ROBO1: variants seen among roughly 807,000 people sequenced by gnomAD.
ROBO1 encodes the protein roundabout guidance receptor 1.
Under a neutral mutation model 195.9 loss-of-function variants are expected in ROBO1, and 149 were observed. The observed-to-expected ratio is 0.76, with a 90% CI of 0.67 to 0.87. ROBO1 has a LOEUF of 0.87. Ranked by LOEUF, ROBO1 falls within the 40% of genes least tolerant of loss-of-function variation. The pLI is 0.00. For synonymous variants in ROBO1, 816 were observed against 733.2 expected (o/e 1.11, Z -1.82); for missense variants, 1,933 against 2,068.3 (o/e 0.93, Z 1.27).
intron 2 of ROBO1, among the ~76,000 whole-genome samples, chr3:79,293,634 T>A (rs111681878): frequency 1.8e-4 from 27 of 151,946 alleles, no homozygotes; most frequent in African/African-American, 6.0e-4. Context: ...GCAGAGGACA[T>A]GAACAAATGG....
rs556393263 is a variant in ROBO1, at chr3:78,743,128, A to G, written c.657+3615T>C. Among the ~76,000 whole-genome samples, 85 of 152,274 alleles carry G rather than the reference A, an allele frequency of 5.6e-4. 1 individual carries two copies. The highest frequency in any genetic ancestry group is 3.4e-3 in the Middle Eastern group (1 of 294). On this transcript the variant is annotated intron_variant, in intron 5 of 30. Transcript: ENST00000464233. ...AGATCTTTCAAAACGCAAGACTACA[A>G]TCACCATTATTTTTTATCTAGTGTA...
At chr3:79,659,030 C>T (rs1012717824) in intron 1 of ROBO1, among the ~76,000 whole-genome samples, 33 of 151,920 alleles carry the variant, frequency 2.2e-4, no homozygotes, top group Admixed American at 7.2e-4. Flanking sequence ...CCACTGCACC[C>T]GGCCCTCTAA....
At chr3:78,852,440 A>G (rs1172868313) in intron 4 of ROBO1, among the ~76,000 whole-genome samples, 1 of 152,202 alleles carries the variant, frequency 6.6e-6, no homozygotes, top group African/African-American at 2.4e-5. Flanking sequence ...ACTCTTTAAC[A>G]GGAGACTGGC....
chr3:78,687,606 G>T (rs2081079553), intron 9 of ROBO1, among the ~76,000 whole-genome samples: 1 of 152,130 alleles, frequency 6.6e-6, no homozygotes, highest in African/African-American at 2.4e-5. Context: ...ACACATATCA[G>T]AAACAAGGGA....
chr3:79,443,497 C>G (rs1232728567), intron 2 of ROBO1, among the ~76,000 whole-genome samples: 1 of 152,096 alleles, frequency 6.6e-6, no homozygotes, highest in Admixed American at 6.6e-5. Flanking sequence ...TAGTACCTCT[C>G]AGGGATGAGT....
At chr3:79,759,349 T>C (rs1704572679) in intron 1 of ROBO1, among the ~76,000 whole-genome samples, 1 of 152,238 alleles carries the variant, frequency 6.6e-6, no homozygotes, top group Admixed American at 6.5e-5. Flanking sequence ...GATCAGAAGC[T>C]GTTGGCTGTT....
chr3:78,998,760 T>C (rs576684080), intron 3 of ROBO1, among the ~76,000 whole-genome samples: 1 of 152,198 alleles, frequency 6.6e-6, no homozygotes, highest in African/African-American at 2.4e-5. Context: ...TTACTCATCA[T>C]CTCTCCCCTT....
At chr3:79,173,197 C>T (rs116441356) in intron 2 of ROBO1, among the ~76,000 whole-genome samples, 13,420 of 152,126 alleles carry the variant, frequency 0.088, 1,016 homozygotes, top group African/African-American at 0.2. Flanking sequence ...AGCCCTCACT[C>T]GCTCTCGGTG....
At chr3:79,707,026 A>G (rs1947793510) in intron 1 of ROBO1, among the ~76,000 whole-genome samples, 1 of 152,140 alleles carries the variant, frequency 6.6e-6, no homozygotes, top group Admixed American at 6.6e-5. Context: ...AGAATAATTA[A>G]GAAATTATTT....
At chr3:78,809,454 C>G (rs959252322) in intron 4 of ROBO1, among the ~76,000 whole-genome samples, 1 of 152,060 alleles carries the variant, frequency 6.6e-6, no homozygotes, top group South Asian at 2.1e-4. Flanking sequence ...GATCTAGAAC[C>G]AGAAATACCA....
At chr3:79,416,414 G>A (rs1284994284) in intron 2 of ROBO1, among the ~76,000 whole-genome samples, 1 of 150,712 alleles carries the variant, frequency 6.6e-6, no homozygotes, top group African/African-American at 2.4e-5. Flanking sequence ...AACCAGCCTG[G>A]GCAACATAGT....
At chr3:79,337,798 A>G (rs1001962160) in intron 2 of ROBO1, among the ~76,000 whole-genome samples, 2 of 152,238 alleles carry the variant, frequency 1.3e-5, no homozygotes, top group African/African-American at 2.4e-5. Flanking sequence ...TTCAGAAATC[A>G]TTATACAAAA....
chr3:79,061,045 A>C (rs1414385270), intron 3 of ROBO1, among the ~76,000 whole-genome samples: 1 of 152,130 alleles, frequency 6.6e-6, no homozygotes, highest in East Asian at 1.9e-4. Context: ...TGGTTAGGAA[A>C]AGAGGAAGTC....
At chr3:79,199,820 G>C (rs1399385895) in intron 2 of ROBO1, among the ~76,000 whole-genome samples, 1 of 151,690 alleles carries the variant, frequency 6.6e-6, no homozygotes, top group African/African-American at 2.4e-5. Context: ...TTAGCTACTT[G>C]TTTTACTTAT....
At chr3:78,748,210 C>T (rs1398027152) in intron 4 of ROBO1, among the ~76,000 whole-genome samples, 3 of 152,086 alleles carry the variant, frequency 2.0e-5, no homozygotes, top group Non-Finnish European at 4.4e-5. Context: ...CTTTGGGAGG[C>T]CAAGGAGGGC....
At chr3:79,313,194 A>AG (rs1336947261) in intron 2 of ROBO1, among the ~76,000 whole-genome samples, 1 of 151,908 alleles carries the variant, frequency 6.6e-6, no homozygotes, top group African/African-American at 2.4e-5. Flanking sequence ...CTCAAAAAAA[A>AG]AAAAAAAAAT....
At chr3:79,700,288 CGT>C (rs141865243) in intron 1 of ROBO1, among the ~76,000 whole-genome samples, 7 of 147,746 alleles carry the variant, frequency 4.7e-5, no homozygotes, top group African/African-American at 1.5e-4. Flanking sequence ...GTGATGAACA[CGT>C]GTGTGTGTGT....
chr3:79,707,642 G>A (rs182463062), intron 1 of ROBO1, among the ~76,000 whole-genome samples: 43 of 152,234 alleles, frequency 2.8e-4, no homozygotes, highest in Middle Eastern at 3.4e-3. Flanking sequence ...CCAGGTAGCT[G>A]GGACTACAGG....
intron 2 of ROBO1, among the ~76,000 whole-genome samples, chr3:79,298,263 G>A (rs1252155447): frequency 1.3e-5 from 2 of 152,036 alleles, no homozygotes; most frequent in African/African-American, 2.4e-5. Context: ...GGCAACATAC[G>A]AACAAAAAGT....
Sources: allele counts gnomAD v4.1 joint callset (sites outside exome capture counted in the v4.1 genomes callset), GRCh38; gene constraint gnomAD v4.1.1; transcripts MANE v1.5; gene names NCBI Gene and HGNC (gene_info 2026-07-23, HGNC 2026-07-21).